The following EEF2K variants were observed in gnomAD, a reference collection of about 807,000 sequenced individuals.
EEF2K encodes eukaryotic elongation factor 2 kinase.
A neutral mutation model predicts 93.8 loss-of-function variants in EEF2K; 70 were observed. The ratio of observed to expected loss-of-function variants is 0.75; its 90% CI spans 0.62 to 0.91. The LOEUF (loss-of-function observed/expected upper bound fraction) is 0.91. Ranked by LOEUF, EEF2K falls within the 40% of genes least tolerant of loss-of-function variation. EEF2K has a pLI of 0.00. For missense variants in EEF2K, 935 were observed against 972.9 expected, an observed-to-expected ratio of 0.96 and a Z score of 0.52; for synonymous variants, 376 against 380.8, an observed-to-expected ratio of 0.99 and a Z score of 0.15.
chr16:22,245,166 G>T (rs938762345), intron 3 of EEF2K, among the ~76,000 whole-genome samples: 2 of 152,146 alleles, frequency 1.3e-5, no homozygotes, highest in Non-Finnish European at 2.9e-5. Flanking sequence ...TACTCAGGAG[G>T]CTGAGGCAGG....
chr16:22,235,788 G>A (rs549564211), intron 2 of EEF2K, among the ~76,000 whole-genome samples: 5 of 150,668 alleles, frequency 3.3e-5, no homozygotes, highest in South Asian at 4.2e-4. Flanking sequence ...GTGAGCCACC[G>A]CGTCTGGCCA....
At chr16:22,226,755 T>C (rs2047069019) in intron 2 of EEF2K, among the ~76,000 whole-genome samples, 2 of 152,156 alleles carry the variant, frequency 1.3e-5, no homozygotes, top group South Asian at 4.1e-4. Context: ...CCACTTGTTG[T>C]TAATTTTTTG....
At chr16:22,262,759 C>G (rs2047478070) in intron 11 of EEF2K, among the ~76,000 whole-genome samples, 1 of 152,118 alleles carries the variant, frequency 6.6e-6, no homozygotes, top group Admixed American at 6.6e-5. Context: ...GACACTGATG[C>G]TCAGAGAAGT....
intron 16 of EEF2K, among the ~76,000 whole-genome samples, chr16:22,276,693 C>T (rs372421059): frequency 2.0e-5 from 3 of 152,142 alleles, no homozygotes; most frequent in South Asian, 4.1e-4. Flanking sequence ...GCCAATTTTG[C>T]TTTGCCCTTT....
intron 2 of EEF2K, among the ~76,000 whole-genome samples, chr16:22,231,233 C>T (rs1338142169): frequency 8.1e-5 from 12 of 147,870 alleles, no homozygotes; most frequent in South Asian, 2.2e-4. Context: ...GGATTACAGC[C>T]GCCCGCCACC....
intron 1 of EEF2K, among the ~76,000 whole-genome samples, chr16:22,210,016 G>A (rs774299908): frequency 9.2e-5 from 14 of 152,166 alleles, no homozygotes; most frequent in Non-Finnish European, 1.9e-4. Flanking sequence ...GGCTGGGCTT[G>A]AACTCTGGGC....
chr16:22,212,113 G>T (rs1261215498), intron 1 of EEF2K, among the ~76,000 whole-genome samples: 1 of 152,158 alleles, frequency 6.6e-6, no homozygotes, highest in Non-Finnish European at 1.5e-5. Context: ...GCTAATCAAA[G>T]CTATAATTAT....
intron 6 of EEF2K, among the ~76,000 whole-genome samples, chr16:22,254,127 C>CAAT (rs61678774): frequency 0.11 from 15,994 of 150,460 alleles, 910 homozygotes; most frequent in South Asian, 0.13. Flanking sequence ...GTAGTAGTAA[C>CAAT]AATAATAATA....
chr16:22,281,769 T>A (rs951891976), intron 17 of EEF2K, among the ~76,000 whole-genome samples: 5 of 152,208 alleles, frequency 3.3e-5, no homozygotes, highest in African/African-American at 1.2e-4. Context: ...TAGCATAACT[T>A]TTTCAAGATT....
At position 22,260,347 on chromosome 16, in the gene EEF2K, GC is replaced by G; in HGVS notation, c.1232-114del. The G allele has an allele frequency of 8.2e-6, 8 of 978,508 alleles. No homozygotes were observed. In the South Asian group the frequency reaches 1.2e-4, roughly 15 times the overall value. 60.6% of individuals were successfully genotyped at this position (978,508 alleles called of 1,614,324 possible). A position where few individuals can be genotyped will look rare whatever the true frequency, so the allele number is the denominator to read the frequency against. On this transcript the variant is annotated intron_variant, in intron 10 of 17. Coordinates refer to ENST00000263026, the MANE Select transcript of EEF2K (RefSeq NM_013302.5). ...CTCCTTTTTTGTGCCTTTCTTTAAA[GC>G]TTAAAAAAAAAAAAAGGCTTGGTGG... is the stretch of plus-strand genomic sequence containing the variant.
At chr16:22,241,969 C>CAAAATA (rs775000653) in intron 2 of EEF2K, among the ~76,000 whole-genome samples, 1 of 151,174 alleles carries the variant, frequency 6.6e-6, no homozygotes, top group Admixed American at 6.6e-5. Context: ...CCGGTCTCTG[C>CAAAATA]AAAATAAAAA....
At chr16:22,280,415 C>A in intron 17 of EEF2K, 39 bp downstream of exon 17, 1 of 1,423,878 alleles carries the variant, frequency 7.0e-7, no homozygotes. Context: ...TGCAACAGGG[C>A]TGGGCAGGGA....
intron 17 of EEF2K, 71 bp downstream of exon 17, chr16:22,280,447 TG>T: frequency 7.5e-7 from 1 of 1,339,910 alleles, no homozygotes; most frequent in Non-Finnish European, 9.7e-7. Context: ...TCCATTCCAC[TG>T]GGAGTTATTT....
intron 2 of EEF2K, among the ~76,000 whole-genome samples, chr16:22,231,330 C>T (rs1398341204): frequency 6.6e-6 from 1 of 151,692 alleles, no homozygotes; most frequent in African/African-American, 2.4e-5. Context: ...GTTGGCCAGG[C>T]TGGTCTTGAA....
rs765317275 is a variant in EEF2K at position 22,264,849 on chromosome 16, C to G, written c.1409C>G (p.Ser470Cys). ...TCATACAGTAATCGGAAGTACGAGT[C>G]TGACGAAGACAGCCTGGGCAGCTCT... ...GHSYSNRKYE[S>C]DEDSLGSSGR... is the part of the protein sequence containing the mutation. Residue 470 changes from serine (S) to cysteine (C), a missense_variant, in exon 13 of 18, where the codon TCT (serine) becomes TGT (cysteine). Coordinates refer to ENST00000263026, the MANE Select transcript of EEF2K (RefSeq NM_013302.5). The G allele has an allele frequency of 3.1e-6, 5 of 1,613,974 alleles. No individual in the cohort carries two copies. The highest frequency in any genetic ancestry group is 4.2e-6 in the Non-Finnish European group (5 of 1,179,966).
chr16:22,230,862 TCAAA>T lies in EEF2K; in HGVS notation c.246+4891_246+4894del, dbSNP rs952188192. ...TTAGGCTGGTCTTGAACTCCTGGGCTCAAACAATCATCCCACTTCAGCTTCCCAA... is the reference window on the plus strand; with the variant it reads ...TTAGGCTGGTCTTGAACTCCTGGGCTCAATCATCCCACTTCAGCTTCCCAA... On this transcript the variant is annotated intron_variant, in intron 2 of 17. Coordinates refer to ENST00000263026, the MANE Select transcript of EEF2K (RefSeq NM_013302.5). Among the ~76,000 whole-genome samples, 31 of 152,182 alleles carry T rather than the reference TCAAA, an allele frequency of 2.0e-4. No individual in the cohort carries two copies. In the East Asian group the frequency reaches 2.7e-3, roughly 13 times the overall value.
At position 22,286,858 on chromosome 16, in the gene EEF2K, T is replaced by C. The variant is rs904464373; in HGVS notation, c.*2862T>C. The C allele has an allele frequency of 3.3e-5, 5 of 152,250 alleles. No individual in the cohort carries two copies. Among genetic ancestry groups the C allele is most frequent in the African/African-American group, 1.2e-4 (5 of 41,446 alleles). 9.4% of individuals were successfully genotyped at this position (152,250 alleles called of 1,614,324 possible). On this transcript the variant is annotated 3_prime_UTR_variant, in exon 18 of 18. Coordinates refer to ENST00000263026, the MANE Select transcript of EEF2K (RefSeq NM_013302.5). ...TTGAGGCTCTGGTTCCTCCAAACAA[T>C]GATTCGTTGTCTGGATTGGCTGGAA...
At chr16:22,264,608 G>A (rs530465191) in intron 12 of EEF2K, among the ~76,000 whole-genome samples, 5 of 152,298 alleles carry the variant, frequency 3.3e-5, no homozygotes, top group East Asian at 3.9e-4. Flanking sequence ...CTGCACCAGC[G>A]TTGTCATCCC....
At chr16:22,233,003 A>T (rs911187877) in intron 2 of EEF2K, among the ~76,000 whole-genome samples, 2 of 152,164 alleles carry the variant, frequency 1.3e-5, no homozygotes, top group African/African-American at 4.8e-5. Flanking sequence ...GTCAGATTCT[A>T]TCGCTGTCAA....
Sources: allele counts gnomAD v4.1 joint callset (sites outside exome capture counted in the v4.1 genomes callset), GRCh38; gene constraint gnomAD v4.1.1; transcripts MANE v1.5; gene names NCBI Gene and HGNC (gene_info 2026-07-23, HGNC 2026-07-21).